LEF1: variants seen among roughly 807,000 people sequenced by gnomAD.
LEF1 encodes lymphoid enhancer binding factor 1.
LEF1 carries 14 observed loss-of-function variants against 51.2 expected under a neutral mutation model. That is an observed-to-expected ratio of 0.27 (90% confidence interval 0.18 to 0.43). The LOEUF (loss-of-function observed/expected upper bound fraction) is 0.43, where lower values mean the gene tolerates loss of function less well. LEF1 is among the 20% of genes least tolerant of loss of function. LEF1 has a pLI of 1.00. For missense variants in LEF1, 386 were observed against 512.0 expected, an observed-to-expected ratio of 0.75 and a Z score of 2.37; for synonymous variants, 185 against 183.2, an observed-to-expected ratio of 1.01 and a Z score of -0.08.
chr4:108,162,251 AACT>A (rs1408965307), intron 3 of LEF1, among the ~76,000 whole-genome samples: 3 of 152,208 alleles, frequency 2.0e-5, no homozygotes, highest in Admixed American at 6.5e-5. Flanking sequence ...TCTCCACTTT[AACT>A]ACTATATAAA....
chr4:108,113,367 G>A (rs1741643859), intron 3 of LEF1, among the ~76,000 whole-genome samples: 1 of 152,164 alleles, frequency 6.6e-6, no homozygotes, highest in Admixed American at 6.5e-5. Context: ...CTCCGCAGCT[G>A]TGTTACAGGG....
chr4:108,048,494 T>C lies in LEF1; in HGVS notation c.*264A>G. 2.3e-6 allele frequency: 1 copy of C among 425,644 alleles called. No individual in the cohort carries two copies. The highest frequency in any genetic ancestry group is 4.2e-6 in the Non-Finnish European group (1 of 239,558). 26.4% of individuals were successfully genotyped at this position (425,644 alleles called of 1,614,324 possible). A position where few individuals can be genotyped will look rare whatever the true frequency, so the allele number is the denominator to read the frequency against. ...CTAGCATTCTCATGTGCTTTTACATTTCCTTTTAAAAAACCTTTTTATGCT... is the reference window on the plus strand; with the variant it reads ...CTAGCATTCTCATGTGCTTTTACATCTCCTTTTAAAAAACCTTTTTATGCT... On this transcript the variant is annotated 3_prime_UTR_variant, in exon 12 of 12. Coordinates refer to ENST00000265165, the MANE Select transcript of LEF1 (RefSeq NM_016269.5).
At chr4:108,049,552 C>G (rs1301159943) in intron 11 of LEF1, among the ~76,000 whole-genome samples, 1 of 152,222 alleles carries the variant, frequency 6.6e-6, no homozygotes, top group Non-Finnish European at 1.5e-5. Flanking sequence ...CGTTCCTTCA[C>G]TCCAGAGAGC....
chr4:108,083,242 G>A, intron 5 of LEF1, 114 bp downstream of exon 5: 2 of 770,306 alleles, frequency 2.6e-6, no homozygotes, highest in South Asian at 2.9e-5. Context: ...GCTTGTTGAT[G>A]TGAAATTTCT....
At chr4:108,125,802 C>A (rs1560808107) in intron 3 of LEF1, among the ~76,000 whole-genome samples, 1 of 151,740 alleles carries the variant, frequency 6.6e-6, no homozygotes, top group South Asian at 2.1e-4. Flanking sequence ...TTAAGTACAG[C>A]AGTGTGACTG....
intron 3 of LEF1, among the ~76,000 whole-genome samples, chr4:108,117,346 G>A (rs1368914693): frequency 6.6e-6 from 1 of 152,094 alleles, no homozygotes; most frequent in Non-Finnish European, 1.5e-5. Flanking sequence ...TTTAATGGTT[G>A]CACGGTTTAA....
chr4:108,099,564 GTGTGTGTATATATA>G (rs2110290320), intron 3 of LEF1, among the ~76,000 whole-genome samples: 1 of 59,314 alleles, frequency 1.7e-5, no homozygotes, highest in East Asian at 4.5e-4. Flanking sequence ...GTATGTGTGT[GTGTGTGTATATATA>G]TATATATATA....
intron 3 of LEF1, among the ~76,000 whole-genome samples, chr4:108,120,031 G>GTGTA (rs1560803966): frequency 5.5e-5 from 8 of 144,998 alleles, no homozygotes; most frequent in African/African-American, 2.0e-4. Context: ...GTGTGTGTGT[G>GTGTA]TATGTATGTA....
intron 1 of LEF1, chr4:108,166,914 GCC>G: frequency 1.4e-6 from 1 of 723,104 alleles, no homozygotes; most frequent in Non-Finnish European, 1.7e-6. Flanking sequence ...CCAGCTGCTA[GCC>G]CAGGCGCTGG....
At chr4:108,166,133 A>C in intron 1 of LEF1, 3 of 749,486 alleles carry the variant, frequency 4.0e-6, no homozygotes, top group Non-Finnish European at 4.0e-6. Context: ...TTCCCAGCAC[A>C]CAGTAGTCAC....
intron 8 of LEF1, among the ~76,000 whole-genome samples, chr4:108,074,824 A>G (rs1738737743): frequency 6.6e-6 from 1 of 152,226 alleles, no homozygotes; most frequent in Non-Finnish European, 1.5e-5. Flanking sequence ...AGAAAGTAGC[A>G]ATTGTTGGAA....
chr4:108,096,760 C>G (rs1740419788), intron 3 of LEF1, among the ~76,000 whole-genome samples: 1 of 152,052 alleles, frequency 6.6e-6, no homozygotes, highest in African/African-American at 2.4e-5. Context: ...TGAAATAATC[C>G]CTTTGTAAAA....
intron 3 of LEF1, among the ~76,000 whole-genome samples, chr4:108,152,577 C>T (rs577864574): frequency 2.0e-5 from 3 of 152,352 alleles, no homozygotes; most frequent in South Asian, 4.1e-4. Context: ...AGCTCCACTG[C>T]TTTCTGGGTG....
chr4:108,149,617 A>ATACATGTGTATATATATGTACATATATG (rs1328014596), intron 3 of LEF1, among the ~76,000 whole-genome samples: 10 of 148,502 alleles, frequency 6.7e-5, no homozygotes, highest in East Asian at 5.9e-4. Flanking sequence ...GTACATATAT[A>ATACATGTGTATATATATGTACATATATG]TACATGTGTA....
Position 108,079,472 on chromosome 4 carries a change from G to C in LEF1, c.845+20C>G. Reference sequence around the variant, plus strand: ...TCAGTATCCTAAGGCAATCACAGCAGAGCCCGGGTGGATACTTACACGTGC... The same window carrying C: ...TCAGTATCCTAAGGCAATCACAGCACAGCCCGGGTGGATACTTACACGTGC... On this transcript the variant is annotated intron_variant, in intron 7 of 11. Transcript: ENST00000265165. 6.2e-7 allele frequency: 1 copy of C among 1,613,874 alleles called. No homozygotes were observed. The highest frequency in any genetic ancestry group is 8.5e-7 in the Non-Finnish European group (1 of 1,179,820).
intron 3 of LEF1, 139 bp downstream of exon 3, chr4:108,163,429 C>T: frequency 2.3e-6 from 2 of 884,996 alleles, no homozygotes; most frequent in Non-Finnish European, 3.4e-6. Context: ...GGCCATTCCT[C>T]ATAACAGCTC....
At chr4:108,127,158 G>C (rs1742597523) in intron 3 of LEF1, among the ~76,000 whole-genome samples, 1 of 152,154 alleles carries the variant, frequency 6.6e-6, no homozygotes, top group Non-Finnish European at 1.5e-5. Flanking sequence ...AAACAGTGCA[G>C]GTGAAGGCCC....
At chr4:108,137,143 T>A (rs970119105) in intron 3 of LEF1, among the ~76,000 whole-genome samples, 7 of 152,252 alleles carry the variant, frequency 4.6e-5, no homozygotes, top group African/African-American at 1.7e-4. Flanking sequence ...GTTTTTTAAA[T>A]AGTTATTTTC....
At chr4:108,100,700 A>T (rs565254395) in intron 3 of LEF1, among the ~76,000 whole-genome samples, 3 of 152,312 alleles carry the variant, frequency 2.0e-5, no homozygotes, top group African/African-American at 7.2e-5. Context: ...AGAGCCTGTT[A>T]TCATGTTGGT....
Sources: gnomAD v4.1 joint callset for allele counts (sites outside exome capture counted in the v4.1 genomes callset) on GRCh38, gnomAD v4.1.1 for gene constraint, MANE v1.5 for transcripts, NCBI Gene and HGNC (gene_info 2026-07-23, HGNC 2026-07-21) for gene names.